The following SIAH3 variants were observed in gnomAD, a reference collection of about 807,000 sequenced individuals.
The protein encoded by SIAH3 is seven in absentia homolog 3.
Under a neutral mutation model 12.6 loss-of-function variants are expected in SIAH3, and 9 were observed. The ratio of observed to expected loss-of-function variants is 0.72; its 90% CI spans 0.43 to 1.25. The LOEUF (loss-of-function observed/expected upper bound fraction) is 1.25. SIAH3 is among the 50% of genes most tolerant of loss of function. The pLI is 0.00. For missense variants in SIAH3, 390 were observed against 365.4 expected (o/e 1.07, Z -0.55); for synonymous variants, 154 against 151.1 (o/e 1.02, Z -0.14).
At chr13:45,832,460 G>A (rs999945172) in intron 1 of SIAH3, among the ~76,000 whole-genome samples, 10 of 152,120 alleles carry the variant, frequency 6.6e-5, no homozygotes, top group African/African-American at 1.9e-4. Context: ...TATCCTTTTG[G>A]GTCTGGCTTA....
In SIAH3 at chr13:45,782,450, C is replaced by A. The variant is rs1950507998; in HGVS notation, c.*933G>T. 1 of 152,044 alleles carries A rather than the reference C, an allele frequency of 6.6e-6. No individual in the cohort carries two copies. Among genetic ancestry groups the A allele is most frequent in the Non-Finnish European group, 1.5e-5 (1 of 68,006 alleles). 9.4% of individuals were successfully genotyped at this position (152,044 alleles called of 1,614,324 possible). On this transcript the variant is annotated 3_prime_UTR_variant, in exon 2 of 2. Coordinates refer to ENST00000400405, the MANE Select transcript of SIAH3 (RefSeq NM_198849.3). The stretch of plus-strand genomic sequence containing the variant: ...TTTTGCATGATATGAAAGAACTGCA[C>A]CCTAGGGAGGAACTGATGGATTTTA...
intron 1 of SIAH3, among the ~76,000 whole-genome samples, chr13:45,820,323 A>G (rs1950651240): frequency 6.6e-6 from 1 of 152,170 alleles, no homozygotes; most frequent in Non-Finnish European, 1.5e-5. Context: ...GCTACCATGC[A>G]GGTGAACCTC....
Position 45,826,377 on chromosome 13 carries a change from A to G in SIAH3, c.135+25118T>C, listed in dbSNP as rs375329601. On this transcript the variant is annotated intron_variant, in intron 1 of 1. Transcript: ENST00000400405. ...GGTGGATGGATGGATGGATGGATGA[A>G]TGAATGGATGGATGGATGGATGGAT... 3.0e-3 allele frequency among the ~76,000 whole-genome samples: 39 copies of G among 13,026 alleles called. 7 individuals are homozygous for G. The highest frequency in any genetic ancestry group is 6.6e-3 in the African/African-American group (23 of 3,476). The allele number at this position is 13,026 out of a possible 152,430, so 8.5% of individuals were successfully genotyped here.
chr13:45,846,552 C>T (rs190293590), intron 1 of SIAH3, among the ~76,000 whole-genome samples: 1 of 152,332 alleles, frequency 6.6e-6, no homozygotes, highest in East Asian at 1.9e-4. Context: ...AATACCCCCA[C>T]AGACAGTTAA....
chr13:45,835,848 G>A (rs1292650656), intron 1 of SIAH3, among the ~76,000 whole-genome samples: 5 of 152,214 alleles, frequency 3.3e-5, no homozygotes, highest in African/African-American at 4.8e-5. Context: ...TGAATATCAC[G>A]TTTCTGCCTT....
chr13:45,808,366 T>C (rs936804117), intron 1 of SIAH3, among the ~76,000 whole-genome samples: 3 of 152,228 alleles, frequency 2.0e-5, no homozygotes, highest in Non-Finnish European at 4.4e-5. Context: ...GAGCAGTGAG[T>C]GATAATCTGA....
At chr13:45,819,793 C>G (rs888385350) in intron 1 of SIAH3, among the ~76,000 whole-genome samples, 5 of 152,184 alleles carry the variant, frequency 3.3e-5, no homozygotes, top group Admixed American at 2.0e-4. Flanking sequence ...AGCCCCAAAC[C>G]CACTTCCAGG....
intron 1 of SIAH3, among the ~76,000 whole-genome samples, chr13:45,801,994 A>G (rs1327897068): frequency 6.6e-6 from 1 of 152,200 alleles, no homozygotes; most frequent in East Asian, 1.9e-4. Flanking sequence ...GAATCAACTG[A>G]AAGACTGTTG....
chr13:45,816,043 C>A (rs1464403807), intron 1 of SIAH3, among the ~76,000 whole-genome samples: 1 of 152,204 alleles, frequency 6.6e-6, no homozygotes, highest in Admixed American at 6.5e-5. Flanking sequence ...GGTGAGGAAA[C>A]CGAGGCACAG....
intron 1 of SIAH3, among the ~76,000 whole-genome samples, chr13:45,832,020 T>A (rs1950701147): frequency 6.6e-6 from 1 of 151,446 alleles, no homozygotes. Context: ...AGCCCAGGGG[T>A]GGGAAGGCAA....
At position 45,821,493 on chromosome 13, in the gene SIAH3, G is replaced by T. The variant is rs1950655617; in HGVS notation, c.135+30002C>A. 3.3e-5 allele frequency among the ~76,000 whole-genome samples: 5 copies of T among 152,212 alleles called. No individual in the cohort carries two copies. In the South Asian group the frequency reaches 1.0e-3, roughly 31 times the overall value. ...TTCTTGTCTCCCCAGCAAAGCCATT[G>T]GTTCTTAAAGGCCTGAACCTACTGC... On this transcript the variant is annotated intron_variant, in intron 1 of 1. Transcript: ENST00000400405.
intron 1 of SIAH3, among the ~76,000 whole-genome samples, chr13:45,842,993 G>A (rs925486778): frequency 3.7e-5 from 5 of 135,490 alleles, no homozygotes; most frequent in African/African-American, 1.3e-4. Context: ...GCCCACACAG[G>A]GGAGCATCTC....
intron 1 of SIAH3, among the ~76,000 whole-genome samples, chr13:45,825,370 C>T (rs547369223): frequency 7.2e-5 from 11 of 152,238 alleles, no homozygotes; most frequent in Admixed American, 2.6e-4. Flanking sequence ...ATCATTATCT[C>T]GACTCTGGGA....
intron 1 of SIAH3, among the ~76,000 whole-genome samples, chr13:45,849,280 C>T (rs530103016): frequency 5.3e-5 from 8 of 152,016 alleles, no homozygotes; most frequent in South Asian, 4.2e-4. Context: ...TTTTTGTGTG[C>T]GAAATGAAAA....
chr13:45,838,496 C>T (rs1006545354), intron 1 of SIAH3, among the ~76,000 whole-genome samples: 1 of 152,102 alleles, frequency 6.6e-6, no homozygotes, highest in Admixed American at 6.5e-5. Flanking sequence ...GCACAGGGCA[C>T]GGGGGTGGCA....
At chr13:45,801,648 C>T (rs1950582857) in intron 1 of SIAH3, among the ~76,000 whole-genome samples, 1 of 152,184 alleles carries the variant, frequency 6.6e-6, no homozygotes, top group Admixed American at 6.5e-5. Context: ...TCAACATATA[C>T]TTAATAACGT....
chr13:45,827,816 T>G (rs949268112), intron 1 of SIAH3, among the ~76,000 whole-genome samples: 1 of 152,230 alleles, frequency 6.6e-6, no homozygotes, highest in African/African-American at 2.4e-5. Flanking sequence ...AATAAAGTTT[T>G]TAATTTTATC....
At position 45,784,452 on chromosome 13, in the gene SIAH3, A is replaced by C. The variant is rs1275726836; in HGVS notation, c.136-395T>G. 6.0e-5 allele frequency among the ~76,000 whole-genome samples: 8 copies of C among 133,004 alleles called. No homozygotes were observed. In the East Asian group the frequency reaches 1.8e-3, roughly 29 times the overall value. The allele number at this position is 133,004 out of a possible 152,430, so 87.3% of individuals were successfully genotyped here. On this transcript the variant is annotated intron_variant, in intron 1 of 1. Coordinates refer to ENST00000400405, the MANE Select transcript of SIAH3 (RefSeq NM_198849.3). Reference sequence around the variant, plus strand: ...TTTGATATTGTTGATAATTTTGTGCAGGCAATGGAGGTCAATAGATTTTTT... The same window carrying C: ...TTTGATATTGTTGATAATTTTGTGCCGGCAATGGAGGTCAATAGATTTTTT...
intron 1 of SIAH3, among the ~76,000 whole-genome samples, chr13:45,835,833 C>T (rs558195560): frequency 1.3e-5 from 2 of 152,228 alleles, no homozygotes; most frequent in African/African-American, 2.4e-5. Context: ...TATATGACAG[C>T]TCTCTGAATA....
Sources: gnomAD v4.1 joint callset for allele counts (sites outside exome capture counted in the v4.1 genomes callset) on GRCh38, gnomAD v4.1.1 for gene constraint, MANE v1.5 for transcripts, NCBI Gene and HGNC (gene_info 2026-07-23, HGNC 2026-07-21) for gene names.